Variants in CPNE4 observed in about 807,000 individuals in gnomAD.
CPNE4 encodes the protein copine 4, also known as copine-4.
In CPNE4, 25 loss-of-function variants were observed where a neutral mutation model predicts 67.9. The ratio of observed to expected loss-of-function variants is 0.37; its 90% CI spans 0.27 to 0.51. The LOEUF is 0.51. Among genes scored for constraint, CPNE4 ranks in the 20% least tolerant of loss-of-function variants. CPNE4 has a pLI of 0.93. For missense variants in CPNE4, 464 were observed against 690.8 expected (o/e 0.67, Z 3.68); for synonymous variants, 242 against 244.9 (o/e 0.99, Z 0.11).
intron 2 of CPNE4, among the ~76,000 whole-genome samples, chr3:131,728,208 T>C (rs2082043146): frequency 6.6e-6 from 1 of 152,234 alleles, no homozygotes; most frequent in Non-Finnish European, 1.5e-5. Context: ...CACCTGTGTA[T>C]CTTCTTTGAT....
chr3:131,752,261 AC>A (rs1479501447), intron 2 of CPNE4, among the ~76,000 whole-genome samples: 1 of 152,060 alleles, frequency 6.6e-6, no homozygotes, highest in African/African-American at 2.4e-5. Flanking sequence ...TCCCCTGCCC[AC>A]CTGGTCTTTG....
At chr3:131,814,832 C>A in intron 2 of CPNE4, among the ~76,000 whole-genome samples, 1 of 136,396 alleles carries the variant, frequency 7.3e-6, no homozygotes, top group Admixed American at 6.9e-5. Context: ...TCTCGATCTC[C>A]TGACCTCGTG....
chr3:131,768,203 T>C (rs1401596019), intron 2 of CPNE4, among the ~76,000 whole-genome samples: 1 of 152,100 alleles, frequency 6.6e-6, no homozygotes, highest in Admixed American at 6.6e-5. Flanking sequence ...GAGCTGGTCG[T>C]GACTTCTGAC....
chr3:131,916,085 T>C (rs1215199973), intron 1 of CPNE4, among the ~76,000 whole-genome samples: 1 of 152,134 alleles, frequency 6.6e-6, no homozygotes, highest in African/African-American at 2.4e-5. Context: ...AGCCCCTCCT[T>C]TTCCCGGCAT....
At chr3:131,920,080 G>T (rs58740561) in intron 1 of CPNE4, among the ~76,000 whole-genome samples, 2 of 151,918 alleles carry the variant, frequency 1.3e-5, no homozygotes, top group Non-Finnish European at 2.9e-5. Context: ...AGGTCACTCC[G>T]CTGCCCAACA....
intron 1 of CPNE4, among the ~76,000 whole-genome samples, chr3:131,950,494 GC>G (rs148119139): frequency 0.018 from 2,808 of 152,316 alleles, 29 homozygotes; most frequent in Middle Eastern, 0.044. Context: ...GGAGAAGAAG[GC>G]AGAGTTTTGC....
At chr3:131,772,689 A>G (rs2083196741) in intron 2 of CPNE4, among the ~76,000 whole-genome samples, 1 of 152,130 alleles carries the variant, frequency 6.6e-6, no homozygotes, top group Non-Finnish European at 1.5e-5. Context: ...TGAGATGTTT[A>G]TCTACCCCAG....
intron 2 of CPNE4, among the ~76,000 whole-genome samples, chr3:131,874,013 A>G (rs936534124): frequency 3.9e-5 from 6 of 152,170 alleles, no homozygotes; most frequent in Admixed American, 3.9e-4. Context: ...GTGCCATTTG[A>G]ACATTTCATC....
intron 5 of CPNE4, among the ~76,000 whole-genome samples, chr3:131,690,050 CA>C (rs1229184841): frequency 6.6e-6 from 1 of 152,108 alleles, no homozygotes; most frequent in Non-Finnish European, 1.5e-5. Context: ...ATGACACAAA[CA>C]AATGGAAAAG....
intron 2 of CPNE4, among the ~76,000 whole-genome samples, chr3:131,869,240 C>G (rs1198309010): frequency 6.6e-6 from 1 of 152,132 alleles, no homozygotes; most frequent in Non-Finnish European, 1.5e-5. Context: ...GGAACTCAAC[C>G]TTGCTTCTCA....
chr3:131,938,149 G>C (rs1055327462), intron 1 of CPNE4, among the ~76,000 whole-genome samples: 1 of 152,056 alleles, frequency 6.6e-6, no homozygotes, highest in Admixed American at 6.6e-5. Flanking sequence ...CTGAGCCCAG[G>C]AATTCGAGAC....
chr3:131,542,881 C>A, intron 14 of CPNE4, 88 bp from the exon 15 acceptor site: 1 of 874,576 alleles, frequency 1.1e-6, no homozygotes, highest in Non-Finnish European at 1.9e-6. Flanking sequence ...ACCCAGGTGG[C>A]CTCACTGCAC....
chr3:131,778,972 A>T (rs2083362080), intron 2 of CPNE4, among the ~76,000 whole-genome samples: 1 of 152,100 alleles, frequency 6.6e-6, no homozygotes, highest in Non-Finnish European at 1.5e-5. Flanking sequence ...AGATCTAATA[A>T]ACAACTTCAA....
At chr3:131,863,660 G>C (rs1013840849) in intron 2 of CPNE4, among the ~76,000 whole-genome samples, 39 of 152,138 alleles carry the variant, frequency 2.6e-4, no homozygotes, top group Non-Finnish European at 4.1e-4. Context: ...TAGGTTGCCT[G>C]TTCACTCTGA....
chr3:131,802,178 T>C (rs1457866551), intron 2 of CPNE4, among the ~76,000 whole-genome samples: 1 of 152,038 alleles, frequency 6.6e-6, no homozygotes, highest in Non-Finnish European at 1.5e-5. Context: ...TTTGAGGCCG[T>C]AGAAATATGG....
At chr3:131,952,134 C>A (rs1335957316) in intron 1 of CPNE4, among the ~76,000 whole-genome samples, 1 of 150,582 alleles carries the variant, frequency 6.6e-6, no homozygotes, top group African/African-American at 2.4e-5. Flanking sequence ...CTCTTCCCGG[C>A]CGCCATCACA....
intron 14 of CPNE4, chr3:131,543,122 T>C: frequency 4.6e-6 from 1 of 217,294 alleles, no homozygotes; most frequent in Non-Finnish European, 9.2e-6. Context: ...CGTCTGTGTC[T>C]GAGCTTCTTC....
At chr3:131,685,655 G>A (rs1468187209) in intron 6 of CPNE4, among the ~76,000 whole-genome samples, 2 of 152,126 alleles carry the variant, frequency 1.3e-5, no homozygotes, top group Non-Finnish European at 2.9e-5. Flanking sequence ...GGTGGTGGGT[G>A]CCTGTAGTCC....
At chr3:131,778,863 G>C (rs1443860584) in intron 2 of CPNE4, among the ~76,000 whole-genome samples, 1 of 151,950 alleles carries the variant, frequency 6.6e-6, no homozygotes, top group South Asian at 2.1e-4. Flanking sequence ...AGAAAGAAAG[G>C]GCATCCAAAT....
Sources: allele counts gnomAD v4.1 joint callset (sites outside exome capture counted in the v4.1 genomes callset), GRCh38; gene constraint gnomAD v4.1.1; transcripts MANE v1.5; gene names NCBI Gene and HGNC (gene_info 2026-07-23, HGNC 2026-07-21).